Variants in KIAA1328 observed in about 807,000 individuals in gnomAD.
The protein encoded by KIAA1328 is protein hinderin.
In KIAA1328, 52 loss-of-function variants were observed where a neutral mutation model predicts 68.1. The observed-to-expected ratio is 0.76, with a 90% CI of 0.61 to 0.96. The LOEUF is 0.96. KIAA1328 is among the 40% of genes least tolerant of loss of function. The pLI is 0.00. For synonymous variants in KIAA1328, 232 were observed against 239.4 expected (o/e 0.97, Z 0.28); for missense variants, 641 against 677.6 (o/e 0.95, Z 0.60).
At chr18:36,958,335 A>G (rs1434283787) in intron 5 of KIAA1328, among the ~76,000 whole-genome samples, 2 of 152,168 alleles carry the variant, frequency 1.3e-5, no homozygotes, top group African/African-American at 4.8e-5. Flanking sequence ...TCTTCAGGAC[A>G]TATTTTCACT....
chr18:37,043,853 C>T (rs1050261379), intron 6 of KIAA1328, among the ~76,000 whole-genome samples: 15 of 152,276 alleles, frequency 9.9e-5, no homozygotes, highest in South Asian at 8.3e-4. Flanking sequence ...GTTGCTGTCT[C>T]GTTCCCCAGT....
chr18:37,117,689 C>T (rs1006015170), intron 7 of KIAA1328, among the ~76,000 whole-genome samples: 3 of 152,016 alleles, frequency 2.0e-5, no homozygotes, highest in African/African-American at 7.2e-5. Flanking sequence ...GATGATACAA[C>T]TATCCTGTAT....
At chr18:37,165,377 T>C (rs899908835) in intron 8 of KIAA1328, among the ~76,000 whole-genome samples, 2 of 152,004 alleles carry the variant, frequency 1.3e-5, no homozygotes, top group Admixed American at 1.3e-4. Context: ...TTAAGTATGA[T>C]TTTAGCTGAA....
At chr18:37,100,362 C>T (rs1169737863) in intron 7 of KIAA1328, among the ~76,000 whole-genome samples, 1 of 152,202 alleles carries the variant, frequency 6.6e-6, no homozygotes, top group Admixed American at 6.5e-5. Context: ...AACGGCACAC[C>T]AGGAGAATAT....
chr18:36,844,029 CT>C (rs2046945355), intron 3 of KIAA1328, among the ~76,000 whole-genome samples, 178 bp from the exon 4 acceptor site: 1 of 151,958 alleles, frequency 6.6e-6, no homozygotes, highest in Admixed American at 6.6e-5. Context: ...ATGAAGTGTC[CT>C]AGTGGACAGT....
At chr18:37,052,416 C>T (rs558688016) in intron 6 of KIAA1328, among the ~76,000 whole-genome samples, 1 of 151,992 alleles carries the variant, frequency 6.6e-6, no homozygotes, top group Non-Finnish European at 1.5e-5. Flanking sequence ...AAAGCATTAC[C>T]CCTAATAACT....
intron 9 of KIAA1328, among the ~76,000 whole-genome samples, chr18:37,211,324 C>G (rs1249526129): frequency 6.6e-6 from 1 of 152,164 alleles, no homozygotes; most frequent in African/African-American, 2.4e-5. Context: ...TCAGTTTCCT[C>G]ATCAATAAAA....
At chr18:37,221,295 C>A (rs978338126) in intron 9 of KIAA1328, among the ~76,000 whole-genome samples, 1 of 152,192 alleles carries the variant, frequency 6.6e-6, no homozygotes, top group Non-Finnish European at 1.5e-5. Context: ...AACATTTATT[C>A]AGTGCCTATT....
intron 5 of KIAA1328, among the ~76,000 whole-genome samples, chr18:36,907,515 T>A (rs1237138771): frequency 6.6e-6 from 1 of 152,178 alleles, no homozygotes; most frequent in Non-Finnish European, 1.5e-5. Context: ...TGTTGAATTT[T>A]CTTGAAAGCT....
intron 6 of KIAA1328, among the ~76,000 whole-genome samples, chr18:36,992,690 A>G (rs2053235734): frequency 6.6e-6 from 1 of 152,162 alleles, no homozygotes; most frequent in African/African-American, 2.4e-5. Flanking sequence ...TGAGGAGATA[A>G]CGTTTGAGCT....
At chr18:37,131,090 A>G (rs909133181) in intron 7 of KIAA1328, among the ~76,000 whole-genome samples, 1 of 152,218 alleles carries the variant, frequency 6.6e-6, no homozygotes, top group Non-Finnish European at 1.5e-5. Context: ...ATTTTCAGAA[A>G]GCTCCCTGGG....
chr18:37,051,698 A>G (rs1037207642), intron 6 of KIAA1328, among the ~76,000 whole-genome samples: 1 of 152,136 alleles, frequency 6.6e-6, no homozygotes, highest in African/African-American at 2.4e-5. Flanking sequence ...AACTCATTCT[A>G]CAAAACCATT....
At chr18:37,198,846 C>T (rs1276758853) in intron 9 of KIAA1328, among the ~76,000 whole-genome samples, 1 of 152,146 alleles carries the variant, frequency 6.6e-6, no homozygotes, top group East Asian at 1.9e-4. Context: ...ATGAGGAGAG[C>T]AAAACAGCTG....
In KIAA1328 at chr18:37,224,134, C is replaced by A. The variant is rs957984455; in HGVS notation, c.*1907C>A. 1.0e-5 allele frequency: 10 copies of A among 985,252 alleles called. No homozygotes were observed. Among genetic ancestry groups the A allele is most frequent in the Non-Finnish European group, 1.2e-5 (10 of 829,934 alleles). The allele number at this position is 985,252 out of a possible 1,614,324, so 61.0% of individuals were successfully genotyped here. ...TGCCAGAACTTTCTTTTCCTTGCCCCCTGTGTCATGACTAGCTTAAGTGTA... is the reference window on the plus strand; with the variant it reads ...TGCCAGAACTTTCTTTTCCTTGCCCACTGTGTCATGACTAGCTTAAGTGTA... On this transcript the variant is annotated 3_prime_UTR_variant, in exon 10 of 10. Coordinates refer to ENST00000280020, the MANE Select transcript of KIAA1328 (RefSeq NM_020776.3).
intron 7 of KIAA1328, among the ~76,000 whole-genome samples, chr18:37,105,350 G>A (rs1044364535): frequency 6.6e-6 from 1 of 151,990 alleles, no homozygotes; most frequent in African/African-American, 2.4e-5. Context: ...ATTTAGCTGG[G>A]TGTGGTGGTG....
At chr18:36,903,333 A>G (rs928150158) in intron 5 of KIAA1328, among the ~76,000 whole-genome samples, 11 of 152,126 alleles carry the variant, frequency 7.2e-5, no homozygotes, top group African/African-American at 1.4e-4. Flanking sequence ...TTAAAATACA[A>G]TGGAAAAAAT....
intron 6 of KIAA1328, among the ~76,000 whole-genome samples, chr18:36,975,429 G>A (rs540994246): frequency 4.3e-4 from 65 of 152,146 alleles, no homozygotes; most frequent in African/African-American, 1.4e-3. Flanking sequence ...TGATCCGCCC[G>A]CCTCGGCCTC....
At chr18:37,037,146 G>A (rs540682486) in intron 6 of KIAA1328, among the ~76,000 whole-genome samples, 50 of 149,950 alleles carry the variant, frequency 3.3e-4, no homozygotes, top group African/African-American at 1.0e-3. Flanking sequence ...ATATATTGCC[G>A]TAACTATTAT....
At chr18:36,969,923 C>T (rs117376812) in intron 6 of KIAA1328, among the ~76,000 whole-genome samples, 2 of 151,730 alleles carry the variant, frequency 1.3e-5, no homozygotes, top group African/African-American at 4.8e-5. Context: ...TTCTGAACAA[C>T]AGAAAAAGAG....
Sources: gnomAD v4.1 joint callset for allele counts (sites outside exome capture counted in the v4.1 genomes callset) on GRCh38, gnomAD v4.1.1 for gene constraint, MANE v1.5 for transcripts, NCBI Gene and HGNC (gene_info 2026-07-23, HGNC 2026-07-21) for gene names.